Variants in GCG observed in about 807,000 individuals in gnomAD.
GCG encodes the protein glucagon, also known as pro-glucagon.
Under a neutral mutation model 22.8 loss-of-function variants are expected in GCG, and 11 were observed. That is an observed-to-expected ratio of 0.48 (90% CI 0.30 to 0.80). The LOEUF (loss-of-function observed/expected upper bound fraction) is 0.80. Ranked by LOEUF, GCG falls within the 30% of genes least tolerant of loss-of-function variation. The probability of loss-of-function intolerance (pLI) is 0.06; values close to 1 mark genes in which losing one functional copy is unlikely to be tolerated. For missense variants in GCG, 222 were observed against 222.0 expected (o/e 1.00, Z 0.00); for synonymous variants, 89 against 72.4 (o/e 1.23, Z -1.16).
chr2:162,149,448 G>A (rs1009104435), intron 1 of GCG, among the ~76,000 whole-genome samples: 2 of 152,068 alleles, frequency 1.3e-5, no homozygotes, highest in Non-Finnish European at 2.9e-5. Flanking sequence ...GGACACTTCT[G>A]TTTAATAATT....
Position 162,149,114 on chromosome 2 carries a change from G to T in GCG, c.65C>A (p.Ser22Tyr), listed in dbSNP as rs557976182. The change falls in exon 2 of 6, where the codon TCC (serine) becomes TAC (tyrosine). Residue 22 changes from serine to tyrosine, a missense_variant. Ser to Tyr is a moderately radical substitution (Grantham distance 144). Coordinates refer to ENST00000418842, the MANE Select transcript of GCG (RefSeq NM_002054.5). ...VMLVQGSWQR[S>Y]LQDTEEKSRS... The stretch of plus-strand genomic sequence containing the variant: ...GGATTTCTCCTCTGTGTCTTGAAGG[G>T]AACGTTGCCAGCTGCCTTGTACCAG... The T allele has an allele frequency of 1.2e-6, 2 of 1,610,852 alleles. No homozygotes were observed. Among genetic ancestry groups the T allele is most frequent in the East Asian group, 2.2e-5 (1 of 44,824 alleles).
chr2:162,143,338 G>T lies in GCG; in HGVS notation c.*26C>A. 1 of 1,225,274 alleles carries T rather than the reference G, an allele frequency of 8.2e-7. No homozygotes were observed. Among genetic ancestry groups the T allele is most frequent in the Non-Finnish European group, 1.1e-6 (1 of 875,104 alleles). The allele number at this position is 1,225,274 out of a possible 1,614,324, so 75.9% of individuals were successfully genotyped here. On this transcript the variant is annotated 3_prime_UTR_variant, in exon 6 of 6. Coordinates refer to ENST00000418842, the MANE Select transcript of GCG (RefSeq NM_002054.5). ...CCACGTGGCTAGCAGGTGATGTTGTGAAGATGATCTTGAATAGTGATATAG... is the reference window on the plus strand; with the variant it reads ...CCACGTGGCTAGCAGGTGATGTTGTTAAGATGATCTTGAATAGTGATATAG...
rs972768055 is a variant in GCG, at chr2:162,145,477, A to T, written c.392+63T>A. 1.3e-5 allele frequency: 17 copies of T among 1,348,368 alleles called. No individual in the cohort carries two copies. In the African/African-American group the frequency reaches 2.3e-4, roughly 18 times the overall value. 83.5% of individuals were successfully genotyped at this position (1,348,368 alleles called of 1,614,324 possible). A position where few individuals can be genotyped will look rare whatever the true frequency, so the allele number is the denominator to read the frequency against. ...CTGTAATCCAGATCCATATATAGAT[A>T]ACTGTAGTCTTAAATTTTCTGCATC... On this transcript the variant is annotated intron_variant, in intron 4 of 5. Transcript: ENST00000418842.
chr2:162,144,258 T>C, intron 4 of GCG, 88 bp from the exon 5 acceptor site: 2 of 1,032,964 alleles, frequency 1.9e-6, no homozygotes, highest in Non-Finnish European at 3.0e-6. Context: ...CATGCACAAG[T>C]GTCTTGAGGA....
chr2:162,151,853 A>G (rs1379315401), intron 1 of GCG, among the ~76,000 whole-genome samples: 1 of 152,216 alleles, frequency 6.6e-6, no homozygotes, highest in Non-Finnish European at 1.5e-5. Flanking sequence ...AATGTTACCA[A>G]TTATTTTAAA....
intron 2 of GCG, among the ~76,000 whole-genome samples, chr2:162,148,672 T>C (rs1686756704): frequency 6.6e-6 from 1 of 152,144 alleles, no homozygotes; most frequent in Admixed American, 6.6e-5. Flanking sequence ...TAATATTTTT[T>C]GCATATTTTT....
In GCG at chr2:162,145,668, A is replaced by G; in HGVS notation, c.264T>C (p.Ile88=). The G allele has an allele frequency of 6.2e-7, 1 of 1,610,380 alleles. No individual in the cohort carries two copies. Among genetic ancestry groups the G allele is most frequent in the Non-Finnish European group, 8.5e-7 (1 of 1,178,040 alleles). ...TCTCAAATTCATCGTGACGTTTGGC[A>G]ATGTTATTCCTGAAAGAAATGTGAA... The part of the protein sequence containing the change: ...LMNTKRNRNN[I]AKRHDEFERH... The change falls in exon 4 of 6, where the codon ATT becomes ATC. Residue 88 remains isoleucine, a synonymous_variant. Coordinates refer to ENST00000418842, the MANE Select transcript of GCG (RefSeq NM_002054.5).
Position 162,144,015 on chromosome 2 carries a change from A to C in GCG, c.536+12T>G, listed in dbSNP as rs1171170526. The C allele has an allele frequency of 8.7e-6, 14 of 1,611,168 alleles. No individual in the cohort carries two copies. The highest frequency in any genetic ancestry group is 1.1e-5 in the Non-Finnish European group (13 of 1,177,760). On this transcript the variant is annotated intron_variant, in intron 5 of 5. Transcript: ENST00000418842. Reference sequence around the variant, plus strand: ...ATTTGATGGTTTTCAGAATTAACTAAAAAGCAGTCACCTGTCAGTGATTTT... The same window carrying C: ...ATTTGATGGTTTTCAGAATTAACTACAAAGCAGTCACCTGTCAGTGATTTT...
chr2:162,148,952 A>C, intron 2 of GCG, 135 bp downstream of exon 2: 2 of 600,338 alleles, frequency 3.3e-6, no homozygotes, highest in African/African-American at 1.9e-5. Flanking sequence ...CTTTTATCAC[A>C]AGGATACTTT....
At position 162,145,605 on chromosome 2, in the gene GCG, A is replaced by C; in HGVS notation, c.327T>G (p.Ser109=). 1.2e-6 allele frequency: 2 copies of C among 1,612,250 alleles called. No homozygotes were observed. The highest frequency in any genetic ancestry group is 1.7e-6 in the Non-Finnish European group (2 of 1,178,888). Residue 109 remains serine (S), a synonymous_variant, in exon 4 of 6, where the codon TCT becomes TCG. Transcript: ENST00000418842. ...AEGTFTSDVS[S]YLEGQAAKEF... ...CCTTGGCAGCTTGGCCTTCCAAATA[A>C]GAACTTACATCACTGGTAAAGGTCC...
chr2:162,147,570 T>G, intron 2 of GCG, 56 bp from the exon 3 acceptor site: 1 of 1,485,672 alleles, frequency 6.7e-7, no homozygotes. Context: ...TAGACTCACT[T>G]GAGAAGCATC....
chr2:162,145,649 ATTC>A lies in GCG; in HGVS notation c.280_282del (p.Glu94del), dbSNP rs1559749211. ...AAGGTCCCTTCAGCATGTCTCTCAA[ATTC>A]ATCGTGACGTTTGGCAATGTTATTC... On this transcript the variant is annotated inframe_deletion, in exon 4 of 6. Transcript: ENST00000418842. The A allele has an allele frequency of 6.2e-7, 1 of 1,611,084 alleles. No homozygotes were observed. Among genetic ancestry groups the A allele is most frequent in the Non-Finnish European group, 8.5e-7 (1 of 1,178,408 alleles).
At chr2:162,150,892 C>T (rs1172458383) in intron 1 of GCG, among the ~76,000 whole-genome samples, 1 of 151,988 alleles carries the variant, frequency 6.6e-6, no homozygotes, top group Non-Finnish European at 1.5e-5. Flanking sequence ...CAACCATAAA[C>T]CACATAAAGA....
chr2:162,150,188 G>T (rs1273033143), intron 1 of GCG, among the ~76,000 whole-genome samples: 1 of 152,152 alleles, frequency 6.6e-6, no homozygotes, highest in Non-Finnish European at 1.5e-5. Flanking sequence ...GGAACGTCAA[G>T]TCCGTCTTTG....
At chr2:162,147,040 C>T (rs1035344460) in intron 3 of GCG, among the ~76,000 whole-genome samples, 1 of 152,010 alleles carries the variant, frequency 6.6e-6, no homozygotes, top group African/African-American at 2.4e-5. Flanking sequence ...TTGGTAACCT[C>T]GTAGGTCCAC....
Position 162,144,164 on chromosome 2 carries a change from T to G in GCG, c.399A>C (p.Pro133=), listed in dbSNP as rs770590360. The change falls in exon 5 of 6, where the codon CCA becomes CCC. Residue 133 remains proline (P), a synonymous_variant. Transcript: ENST00000418842. The part of the protein sequence containing the change: ...LVKGRGRRDF[P]EEVAIVEELG... Reference sequence around the variant, plus strand: ...GTTCTTCAACAATGGCGACCTCTTCTGGGAAACTAAGAAAATAAGTGTTAA... The same window carrying G: ...GTTCTTCAACAATGGCGACCTCTTCGGGGAAACTAAGAAAATAAGTGTTAA... The G allele has an allele frequency of 6.8e-6, 11 of 1,610,036 alleles. No individual in the cohort carries two copies. The highest frequency in any genetic ancestry group is 1.7e-4 in the Middle Eastern group (1 of 6,044).
chr2:162,148,851 C>A (rs1332561394), intron 2 of GCG, among the ~76,000 whole-genome samples: 1 of 152,016 alleles, frequency 6.6e-6, no homozygotes, highest in African/African-American at 2.4e-5. Flanking sequence ...TTTCAAGGAG[C>A]TATAATTTCC....
intron 2 of GCG, among the ~76,000 whole-genome samples, chr2:162,148,600 A>G (rs946564859): frequency 6.6e-6 from 1 of 152,158 alleles, no homozygotes; most frequent in Non-Finnish European, 1.5e-5. Flanking sequence ...AACACAGGAA[A>G]GTAATACACC....
rs768111969 is a variant in GCG, at chr2:162,149,180, T to G, written c.-2A>C. 6.2e-7 allele frequency: 1 copy of G among 1,605,228 alleles called. No homozygotes were observed. The highest frequency in any genetic ancestry group is 8.5e-7 in the Non-Finnish European group (1 of 1,172,788). On this transcript the variant is annotated 5_prime_UTR_variant, in exon 2 of 6. Transcript: ENST00000418842. ...AGCCACAAAGTAAATGCTTTTCATTTCTGCTGTCTGTCAGAACACAGAATG... is the reference window on the plus strand; with the variant it reads ...AGCCACAAAGTAAATGCTTTTCATTGCTGCTGTCTGTCAGAACACAGAATG...
Sources: allele counts gnomAD v4.1 joint callset (sites outside exome capture counted in the v4.1 genomes callset), GRCh38; gene constraint gnomAD v4.1.1; transcripts MANE v1.5; gene names NCBI Gene and HGNC (gene_info 2026-07-23, HGNC 2026-07-21).